The following TMPRSS7 variants were observed in gnomAD, a reference collection of about 807,000 sequenced individuals.
TMPRSS7 encodes transmembrane protease serine 7.
TMPRSS7 carries 81 observed loss-of-function variants against 95.6 expected under a neutral mutation model. The observed-to-expected ratio is 0.85, with a 90% CI of 0.71 to 1.02. The LOEUF (loss-of-function observed/expected upper bound fraction) is 1.02, where lower values mean the gene tolerates loss of function less well. Among genes scored for constraint, TMPRSS7 ranks in the 50% least tolerant of loss-of-function variants. TMPRSS7 has a pLI of 0.00. For synonymous variants in TMPRSS7, 364 were observed against 337.8 expected, an observed-to-expected ratio of 1.08 and a Z score of -0.85; for missense variants, 945 against 955.2, an observed-to-expected ratio of 0.99 and a Z score of 0.14.
chr3:112,081,065 A>G (rs1489410466), exon 18 of TMPRSS7: 1 of 1,605,662 alleles, frequency 6.2e-7, no homozygotes, highest in African/African-American at 1.3e-5. Flanking sequence ...ATTCATAAAT[A>G]TGTCCCTTCT....
chr3:112,071,528 T>G (rs1012947877), intron 13 of TMPRSS7, among the ~76,000 whole-genome samples: 1 of 152,248 alleles, frequency 6.6e-6, no homozygotes, highest in East Asian at 1.9e-4. Flanking sequence ...ATGGATAATA[T>G]CCTGCAGAGT....
chr3:112,041,767 C>G lies in TMPRSS7; in HGVS notation c.299-153C>G, dbSNP rs1355151762. Among the ~76,000 whole-genome samples the G allele has an allele frequency of 2.8e-4, 42 of 152,104 alleles. 1 individual carries two copies. The highest frequency in any genetic ancestry group is 2.7e-3 in the Admixed American group (42 of 15,274). On this transcript the variant is annotated intron_variant, in intron 2 of 17. Coordinates refer to ENST00000452346, the Ensembl canonical transcript of TMPRSS7. Reference sequence around the variant, plus strand: ...CTGCTGATGAAATAGATGTTGTTACCTACATTTAAAAGTTCACAGGCTCTG... The same window carrying G: ...CTGCTGATGAAATAGATGTTGTTACGTACATTTAAAAGTTCACAGGCTCTG...
exon 11 of TMPRSS7, chr3:112,061,895 A>G (rs766493367): frequency 2.5e-5 from 41 of 1,610,970 alleles, no homozygotes; most frequent in Admixed American, 3.3e-5. Flanking sequence ...CACTTTTGGC[A>G]GAATATGGCA....
intron 13 of TMPRSS7, among the ~76,000 whole-genome samples, chr3:112,071,020 G>A (rs1559962698): frequency 6.6e-6 from 1 of 152,196 alleles, no homozygotes; most frequent in Non-Finnish European, 1.5e-5. Flanking sequence ...CCCGTTAGTT[G>A]ATGCAATTTC....
chr3:112,078,498 A>C (rs2073739507), intron 16 of TMPRSS7, among the ~76,000 whole-genome samples: 1 of 152,214 alleles, frequency 6.6e-6, no homozygotes, highest in African/African-American at 2.4e-5. Context: ...TGTTCAAGTA[A>C]TTGAGTCAGA....
chr3:112,042,308 A>G (rs1348164822), intron 3 of TMPRSS7, among the ~76,000 whole-genome samples: 1 of 152,232 alleles, frequency 6.6e-6, no homozygotes, highest in Non-Finnish European at 1.5e-5. Context: ...GAACCGTAAA[A>G]TAAAAGAATT....
At chr3:112,042,908 A>G (rs916255664) in intron 3 of TMPRSS7, 7 of 416,190 alleles carry the variant, frequency 1.7e-5, no homozygotes, top group Non-Finnish European at 2.5e-5. Context: ...GTTGCTGTCA[A>G]TTTGTATTTC....
At chr3:112,048,071 G>A in intron 7 of TMPRSS7, 104 bp downstream of exon 7, 1 of 1,039,188 alleles carries the variant, frequency 9.6e-7, no homozygotes, top group Non-Finnish European at 1.4e-6. Context: ...CAGTTTTTGT[G>A]TGCACACATG....
chr3:112,050,693 C>T, exon 9 of TMPRSS7: 1 of 1,603,946 alleles, frequency 6.2e-7, no homozygotes, highest in African/African-American at 1.3e-5. Context: ...CAGTGTTGGT[C>T]AAAGACATCA....
At chr3:112,076,769 G>A in intron 15 of TMPRSS7, 107 bp from the exon 16 acceptor site, 1 of 1,325,572 alleles carries the variant, frequency 7.5e-7, no homozygotes, top group Non-Finnish European at 1.0e-6. Flanking sequence ...TAACACCCTG[G>A]AAGTCAGGCC....
At chr3:112,046,051 A>G in intron 5 of TMPRSS7, 108 bp downstream of exon 5, 2 of 977,198 alleles carry the variant, frequency 2.0e-6, no homozygotes, top group Non-Finnish European at 3.0e-6. Context: ...GGATTACCCC[A>G]CAATCCCAGT....
At chr3:112,067,890 C>G (rs2073596029) in intron 13 of TMPRSS7, among the ~76,000 whole-genome samples, 1 of 152,158 alleles carries the variant, frequency 6.6e-6, no homozygotes, top group African/African-American at 2.4e-5. Flanking sequence ...GTGTTTTAGT[C>G]ATGAAGTCCT....
At chr3:112,036,771 A>G (rs2107734132) in intron 1 of TMPRSS7, among the ~76,000 whole-genome samples, 1 of 152,350 alleles carries the variant, frequency 6.6e-6, no homozygotes, top group Non-Finnish European at 1.5e-5. Flanking sequence ...GCGACCCTGA[A>G]TGGAGGGAAT....
intron 6 of TMPRSS7, 34 bp from the exon 7 acceptor site, chr3:112,047,705 A>G: frequency 6.8e-7 from 1 of 1,477,616 alleles, no homozygotes; most frequent in Non-Finnish European, 9.3e-7. Flanking sequence ...CCTAAAAAAA[A>G]AGAAAATAAA....
In TMPRSS7 at chr3:112,076,822, A is replaced by G. The variant is rs2073714735; in HGVS notation, c.1956-54A>G. On this transcript the variant is annotated intron_variant, in intron 15 of 17. Coordinates refer to ENST00000452346, the Ensembl canonical transcript of TMPRSS7. The stretch of plus-strand genomic sequence containing the variant: ...AACTCTTTAGAGTGCTTGTTTGCAA[A>G]CTGTATGTGGTTCTTTAAGCTGCTA... 1.5e-5 allele frequency: 24 copies of G among 1,576,532 alleles called. No homozygotes were observed. The South Asian group carries it at 2.2e-4, about 14-fold the overall frequency.
intron 1 of TMPRSS7, among the ~76,000 whole-genome samples, chr3:112,035,320 C>G (rs1449849063): frequency 3.3e-5 from 5 of 152,208 alleles, no homozygotes; most frequent in Non-Finnish European, 5.9e-5. Context: ...GAATGTTTCT[C>G]TCTTTAGAAA....
intron 3 of TMPRSS7, 25 bp from the exon 4 acceptor site, chr3:112,044,230 A>G (rs2073248203): frequency 1.3e-6 from 2 of 1,491,740 alleles, no homozygotes; most frequent in East Asian, 2.5e-5. Flanking sequence ...GAAATACTTC[A>G]GATACCTCAA....
chr3:112,057,001 C>A, intron 9 of TMPRSS7, 24 bp from the exon 10 acceptor site: 3 of 1,507,922 alleles, frequency 2.0e-6, no homozygotes, highest in Non-Finnish European at 2.7e-6. Context: ...GCATTTTTTT[C>A]TGACTTAATG....
exon 16 of TMPRSS7, chr3:112,077,089 A>G: frequency 1.9e-6 from 3 of 1,614,186 alleles, no homozygotes; most frequent in Non-Finnish European, 2.5e-6. Context: ...CTGGTCAGAG[A>G]GTTCGCAGTG....
Sources: gnomAD v4.1 joint callset for allele counts (sites outside exome capture counted in the v4.1 genomes callset) on GRCh38, gnomAD v4.1.1 for gene constraint, MANE v1.5 for transcripts, NCBI Gene and HGNC (gene_info 2026-07-23, HGNC 2026-07-21) for gene names.